AKT3: variants seen among roughly 807,000 people sequenced by gnomAD.
AKT3 encodes AKT serine/threonine kinase 3.
AKT3 carries 15 observed loss-of-function variants against 65.3 expected under a neutral mutation model. The observed-to-expected ratio is 0.23, with a 90% CI of 0.15 to 0.35. AKT3 has a LOEUF of 0.35. Among genes scored for constraint, AKT3 ranks in the 10% least tolerant of loss-of-function variants. The pLI, the probability that AKT3 is intolerant of heterozygous loss-of-function variation, is 1.00. For missense variants in AKT3, 243 were observed against 576.5 expected (o/e 0.42, Z 5.92); for synonymous variants, 206 against 183.8 (o/e 1.12, Z -0.98).
chr1:243,608,909 T>C (rs1408852717), intron 8 of AKT3, among the ~76,000 whole-genome samples: 5 of 151,712 alleles, frequency 3.3e-5, no homozygotes, highest in East Asian at 3.9e-4. Flanking sequence ...TCCACCACCA[T>C]GCCCGGCTAA....
chr1:243,768,655 T>C (rs1689978561), intron 2 of AKT3, among the ~76,000 whole-genome samples: 1 of 151,888 alleles, frequency 6.6e-6, no homozygotes, highest in Non-Finnish European at 1.5e-5. Flanking sequence ...ACCAACATGG[T>C]GAAACTCCAT....
chr1:243,713,638 A>C (rs1686295254), intron 2 of AKT3, among the ~76,000 whole-genome samples: 1 of 149,958 alleles, frequency 6.7e-6, no homozygotes, highest in Admixed American at 6.7e-5. Context: ...GCAGCCGAAT[A>C]TCTCCCCCTC....
chr1:243,780,597 T>C (rs1265607297), intron 2 of AKT3, among the ~76,000 whole-genome samples: 1 of 150,712 alleles, frequency 6.6e-6, no homozygotes, highest in Non-Finnish European at 1.5e-5. Flanking sequence ...TATAAATATA[T>C]TTAAAATATA....
intron 5 of AKT3, among the ~76,000 whole-genome samples, chr1:243,644,527 CA>C (rs1214895026): frequency 6.7e-6 from 1 of 149,884 alleles, no homozygotes; most frequent in Admixed American, 6.6e-5. Context: ...AGTTGAAGTT[CA>C]AAATGAAAAA....
chr1:243,850,844 G>A (rs1028400312), upstream of AKT3, among the ~76,000 whole-genome samples: 2 of 151,998 alleles, frequency 1.3e-5, no homozygotes, highest in African/African-American at 4.8e-5. Flanking sequence ...GTCGCTCCCG[G>A]GCGGGAAGTT....
rs191821211 is a variant in AKT3 at position 243,489,095 on chromosome 1, G to A, written c.*7-645C>T. On this transcript the variant is annotated intron_variant, in intron 13 of 13. Coordinates refer to the AKT3 transcript ENST00000336199. ...TCAGCAAGCAGAACCAGCTTCTCCT[G>A]GAGAGGCAGAGCCTGTCGGAAGAGG... The A allele has an allele frequency of 9.8e-5, 158 of 1,613,286 alleles. 1 individual carries two copies. The Admixed American group carries it at 1.7e-3, about 17-fold the overall frequency.
At chr1:243,627,132 T>C (rs572316241) in intron 6 of AKT3, among the ~76,000 whole-genome samples, 15 of 152,288 alleles carry the variant, frequency 9.8e-5, no homozygotes, top group Admixed American at 4.6e-4. Context: ...TTGAATAATA[T>C]AGTATCATCT....
chr1:243,712,713 T>G (rs949282719), intron 2 of AKT3, among the ~76,000 whole-genome samples: 1 of 152,186 alleles, frequency 6.6e-6, no homozygotes, highest in Admixed American at 6.5e-5. Context: ...GGAAAATTTT[T>G]ACCTAAGGTC....
chr1:243,562,453 G>T (rs572305068), intron 10 of AKT3, among the ~76,000 whole-genome samples: 58 of 152,162 alleles, frequency 3.8e-4, no homozygotes, highest in Non-Finnish European at 7.1e-4. Flanking sequence ...TTTTAAAAGA[G>T]TAAGTTTTAT....
At chr1:243,578,559 AG>A (rs1406631468) in intron 8 of AKT3, among the ~76,000 whole-genome samples, 1 of 152,214 alleles carries the variant, frequency 6.6e-6, no homozygotes, top group African/African-American at 2.4e-5. Context: ...GGAGATCATC[AG>A]GAAAAATGGC....
At chr1:243,760,709 C>T (rs976127153) in intron 2 of AKT3, among the ~76,000 whole-genome samples, 6 of 152,056 alleles carry the variant, frequency 3.9e-5, no homozygotes, top group African/African-American at 1.4e-4. Flanking sequence ...TATTTAGTGC[C>T]ATGTTTTTCA....
chr1:243,698,124 GCT>G (rs1338476834), intron 2 of AKT3, among the ~76,000 whole-genome samples: 1 of 151,960 alleles, frequency 6.6e-6, no homozygotes, highest in African/African-American at 2.4e-5. Context: ...TTCCTTAATT[GCT>G]CTTATTTTAT....
chr1:243,493,777 T>G (rs1027143188), intron 13 of AKT3, among the ~76,000 whole-genome samples: 1 of 151,786 alleles, frequency 6.6e-6, no homozygotes, highest in African/African-American at 2.4e-5. Flanking sequence ...ATCATCGACA[T>G]TATCTCATTA....
chr1:243,845,588 C>CAAAA (rs10648820), intron 1 of AKT3, among the ~76,000 whole-genome samples: 2 of 79,368 alleles, frequency 2.5e-5, no homozygotes, highest in Middle Eastern at 6.5e-3. Flanking sequence ...GAACCTGTCT[C>CAAAA]AAAAAAAAAA....
chr1:243,488,574 G>A (rs775591090), intron 13 of AKT3: 5 of 221,904 alleles, frequency 2.3e-5, no homozygotes, highest in Non-Finnish European at 4.6e-5. Flanking sequence ...GCTCGTGATT[G>A]ACTGAGTGAT....
intron 8 of AKT3, among the ~76,000 whole-genome samples, chr1:243,574,378 T>C (rs1674788082): frequency 6.6e-6 from 1 of 151,698 alleles, no homozygotes; most frequent in South Asian, 2.1e-4. Context: ...ACAATAATTA[T>C]ATTAAAACTA....
chr1:243,647,457 A>G (rs571726117), intron 4 of AKT3, among the ~76,000 whole-genome samples: 1 of 152,198 alleles, frequency 6.6e-6, no homozygotes, highest in Non-Finnish European at 1.5e-5. Context: ...GTATGTTTAC[A>G]CAATGTTCCT....
intron 4 of AKT3, among the ~76,000 whole-genome samples, chr1:243,646,895 T>C (rs1488015777): frequency 6.6e-6 from 1 of 152,222 alleles, no homozygotes; most frequent in Non-Finnish European, 1.5e-5. Flanking sequence ...GGAGCATTTA[T>C]ATCAAGCATT....
chr1:243,512,157 T>C (rs1315771596), intron 13 of AKT3, among the ~76,000 whole-genome samples, 167 bp downstream of exon 13: 1 of 152,244 alleles, frequency 6.6e-6, no homozygotes, highest in African/African-American at 2.4e-5. Flanking sequence ...GGGAACTCAA[T>C]ATTCTTAAAT....
Sources: allele counts gnomAD v4.1 joint callset (sites outside exome capture counted in the v4.1 genomes callset), GRCh38; gene constraint gnomAD v4.1.1; transcripts MANE v1.5; gene names NCBI Gene and HGNC (gene_info 2026-07-23, HGNC 2026-07-21).